ILKAP: variants seen among roughly 807,000 people sequenced by gnomAD.
The protein encoded by ILKAP is ILK associated serine/threonine phosphatase, also known as integrin-linked kinase-associated serine/threonine phosphatase 2C.
A neutral mutation model predicts 49.1 loss-of-function variants in ILKAP; 11 were observed. That is an observed-to-expected ratio of 0.22 (90% CI 0.14 to 0.37). ILKAP has a LOEUF of 0.37. Ranked by LOEUF, ILKAP falls within the 10% of genes least tolerant of loss-of-function variation. The probability of loss-of-function intolerance (pLI) is 1.00; values close to 1 mark genes in which losing one functional copy is unlikely to be tolerated. For missense variants in ILKAP, 363 were observed against 510.8 expected, an observed-to-expected ratio of 0.71 and a Z score of 2.79; for synonymous variants, 186 against 192.8, an observed-to-expected ratio of 0.96 and a Z score of 0.29.
intron 10 of ILKAP, among the ~76,000 whole-genome samples, chr2:238,172,790 A>C (rs1693284131): frequency 6.6e-6 from 1 of 152,116 alleles, no homozygotes; most frequent in Non-Finnish European, 1.5e-5. Context: ...GCCTCCCCTC[A>C]TCAACTCAGT....
chr2:238,180,184 GAAAGAA>G (rs71043111), intron 9 of ILKAP, among the ~76,000 whole-genome samples: 77 of 150,154 alleles, frequency 5.1e-4, no homozygotes, highest in East Asian at 4.4e-3. Flanking sequence ...AAAAAAGAAA[GAAAGAA>G]AAAGAAAAAG....
rs192262183 is a variant in ILKAP at position 238,196,593 on chromosome 2, C to T, written c.56-1723G>A. The stretch of plus-strand genomic sequence containing the variant: ...GAGGGTCATCCCTATCATCTTTTTG[C>T]CTCCATTTAGAAATGAGCTGGGTAT... On this transcript the variant is annotated intron_variant, in intron 1 of 11. Coordinates refer to ENST00000254654, the MANE Select transcript of ILKAP (RefSeq NM_030768.3). Among the ~76,000 whole-genome samples the T allele has an allele frequency of 1.2e-4, 19 of 152,214 alleles. No individual in the cohort carries two copies. In the East Asian group the frequency reaches 3.3e-3, roughly 26 times the overall value.
chr2:238,194,418 G>A (rs768226111), intron 2 of ILKAP, 87 bp from the exon 3 acceptor site: 2 of 1,259,732 alleles, frequency 1.6e-6, no homozygotes, highest in Non-Finnish European at 2.3e-6. Flanking sequence ...CACCTATGTA[G>A]GTTACTGAAA....
intron 9 of ILKAP, among the ~76,000 whole-genome samples, chr2:238,174,191 TA>T (rs955056615): frequency 6.6e-6 from 1 of 152,224 alleles, no homozygotes; most frequent in African/African-American, 2.4e-5. Context: ...AATGTTAATG[TA>T]AATGACAGTA....
At chr2:238,175,233 G>A (rs1693399024) in intron 9 of ILKAP, among the ~76,000 whole-genome samples, 1 of 151,470 alleles carries the variant, frequency 6.6e-6, no homozygotes, top group Non-Finnish European at 1.5e-5. Flanking sequence ...TGAGTAGCTA[G>A]AACTACAGGT....
intron 1 of ILKAP, 45 bp downstream of exon 1, chr2:238,203,454 G>C: frequency 8.6e-7 from 1 of 1,167,936 alleles, no homozygotes; most frequent in Non-Finnish European, 1.1e-6. Flanking sequence ...CCCCCATCCC[G>C]CCTGCTCTCC....
intron 1 of ILKAP, among the ~76,000 whole-genome samples, chr2:238,196,469 C>T (rs1485071240): frequency 4.6e-5 from 7 of 151,896 alleles, no homozygotes; most frequent in Admixed American, 6.6e-5. Flanking sequence ...TCAAGTGGTC[C>T]ACCCGCCTCA....
rs1002824486 is a variant in ILKAP at position 238,194,267 on chromosome 2, C to T, written c.178+8G>A. On this transcript the variant is annotated splice_region_variant and intron_variant, in intron 3 of 11. Transcript: ENST00000254654. ...CCATCAGCACCTTGGATTTTTCCTACCACTTACCTGAATCGCCACTGCTAG... is the reference window on the plus strand; with the variant it reads ...CCATCAGCACCTTGGATTTTTCCTATCACTTACCTGAATCGCCACTGCTAG... The T allele has an allele frequency of 5.6e-6, 9 of 1,613,306 alleles. No homozygotes were observed. The highest frequency in any genetic ancestry group is 7.6e-6 in the Non-Finnish European group (9 of 1,179,400).
intron 3 of ILKAP, among the ~76,000 whole-genome samples, chr2:238,193,220 T>C (rs918434917): frequency 3.3e-5 from 5 of 152,172 alleles, no homozygotes; most frequent in Admixed American, 3.3e-4. Context: ...TTTGAACATA[T>C]TAACTTTCCT....
Position 238,189,846 on chromosome 2 carries a change from T to C in ILKAP, c.298+7A>G. 6.2e-7 allele frequency: 1 copy of C among 1,613,510 alleles called. No individual in the cohort carries two copies. Among genetic ancestry groups the C allele is most frequent in the Non-Finnish European group, 8.5e-7 (1 of 1,179,610 alleles). On this transcript the variant is annotated splice_region_variant and intron_variant, in intron 4 of 11. Transcript: ENST00000254654. ...CTAATACATTTGTTTTCAAATTGTC[T>C]GAAAACCTTTACAAACTTTCTTTTC...
At chr2:238,180,320 C>T (rs1225243996) in intron 9 of ILKAP, among the ~76,000 whole-genome samples, 2 of 152,174 alleles carry the variant, frequency 1.3e-5, no homozygotes, top group Non-Finnish European at 2.9e-5. Flanking sequence ...ATAACTTAAC[C>T]TAAGGAAATA....
intron 1 of ILKAP, among the ~76,000 whole-genome samples, chr2:238,195,332 A>G (rs1294069251): frequency 6.6e-6 from 1 of 152,142 alleles, no homozygotes; most frequent in East Asian, 1.9e-4. Flanking sequence ...TAAAAATCCT[A>G]TTTCGGTAAC....
At chr2:238,185,534 T>G (rs112345058) in intron 5 of ILKAP, 55,345 of 367,288 alleles carry the variant, frequency 0.15, 4,948 homozygotes, top group Middle Eastern at 0.22. Context: ...CCAGGTGTGG[T>G]GGCTCATGCC....
chr2:238,196,681 T>C (rs1694358378), intron 1 of ILKAP, among the ~76,000 whole-genome samples: 1 of 152,186 alleles, frequency 6.6e-6, no homozygotes, highest in Non-Finnish European at 1.5e-5. Flanking sequence ...GGGAATGAAA[T>C]TTCTCCCGGG....
At chr2:238,174,451 A>G (rs1211713113) in intron 9 of ILKAP, among the ~76,000 whole-genome samples, 2 of 152,204 alleles carry the variant, frequency 1.3e-5, no homozygotes, top group Non-Finnish European at 2.9e-5. Context: ...AACCATACTC[A>G]ACGTGTGAGA....
At chr2:238,196,651 T>C (rs1424021619) in intron 1 of ILKAP, among the ~76,000 whole-genome samples, 3 of 152,214 alleles carry the variant, frequency 2.0e-5, no homozygotes, top group Non-Finnish European at 4.4e-5. Context: ...AAAGCTTTAA[T>C]TAAAAATTTA....
intron 9 of ILKAP, chr2:238,173,862 G>A: frequency 1.7e-6 from 1 of 605,364 alleles, no homozygotes. Flanking sequence ...ACCCTGCCCA[G>A]CTGCACATGG....
chr2:238,203,078 A>T (rs1365258216), intron 1 of ILKAP, among the ~76,000 whole-genome samples: 3 of 151,698 alleles, frequency 2.0e-5, no homozygotes, highest in Non-Finnish European at 4.4e-5. Context: ...CCGCGGGTGA[A>T]GTGCGGCCCG....
intron 5 of ILKAP, chr2:238,186,630 T>G (rs752183218): frequency 3.9e-5 from 6 of 152,246 alleles, no homozygotes; most frequent in Admixed American, 6.5e-5. Flanking sequence ...CTTACTACTC[T>G]TATTCCCATT....
Sources: allele counts gnomAD v4.1 joint callset (sites outside exome capture counted in the v4.1 genomes callset), GRCh38; gene constraint gnomAD v4.1.1; transcripts MANE v1.5; gene names NCBI Gene and HGNC (gene_info 2026-07-23, HGNC 2026-07-21).